Variants in CNIH3 observed in about 807,000 individuals in gnomAD.
CNIH3 encodes the protein cornichon family AMPA receptor auxiliary protein 3.
Under a neutral mutation model 24.1 loss-of-function variants are expected in CNIH3, and 14 were observed. The observed-to-expected ratio is 0.58, with a 90% CI of 0.38 to 0.91. CNIH3 has a LOEUF of 0.91. CNIH3 is among the 40% of genes least tolerant of loss of function. The pLI is 0.00. For synonymous variants in CNIH3, 68 were observed against 73.8 expected, an observed-to-expected ratio of 0.92 and a Z score of 0.40; for missense variants, 178 against 196.8, an observed-to-expected ratio of 0.90 and a Z score of 0.57.
chr1:224,520,354 C>T (rs1678576048), intron 1 of CNIH3, among the ~76,000 whole-genome samples: 1 of 152,196 alleles, frequency 6.6e-6, no homozygotes, highest in South Asian at 2.1e-4. Flanking sequence ...TATAAGCGAT[C>T]CCACACCTCT....
intron 1 of CNIH3, chr1:224,661,268 T>A: frequency 6.4e-6 from 2 of 310,762 alleles, no homozygotes; most frequent in Admixed American, 7.4e-5. Flanking sequence ...TGACCATTCT[T>A]GACAATCCTT....
chr1:224,596,390 C>T (rs1390432132), intron 3 of CNIH3, among the ~76,000 whole-genome samples: 1 of 152,144 alleles, frequency 6.6e-6, no homozygotes, highest in East Asian at 1.9e-4. Flanking sequence ...ACCTATTGCT[C>T]AGGAAAAAAG....
At chr1:224,451,478 GC>G (rs1182697132) in intron 1 of CNIH3, among the ~76,000 whole-genome samples, 2 of 152,178 alleles carry the variant, frequency 1.3e-5, no homozygotes, top group African/African-American at 4.8e-5. Context: ...TAACCGAATA[GC>G]TTGGTCACAC....
intron 1 of CNIH3, chr1:224,435,322 T>C: frequency 3.1e-6 from 2 of 650,506 alleles, no homozygotes; most frequent in Non-Finnish European, 3.8e-6. Context: ...TGGAAAAACT[T>C]GAATTTCCAC....
intron 1 of CNIH3, among the ~76,000 whole-genome samples, chr1:224,481,080 CGAG>C: frequency 6.6e-6 from 1 of 152,176 alleles, no homozygotes; most frequent in Non-Finnish European, 1.5e-5. Flanking sequence ...TCGCAGAAGG[CGAG>C]GAGCAGCAAG....
intron 1 of CNIH3, among the ~76,000 whole-genome samples, chr1:224,448,961 CTTTTTTTTTTTTTT>C (rs397983008): frequency 8.7e-6 from 1 of 115,272 alleles, no homozygotes; most frequent in Non-Finnish European, 1.9e-5. Context: ...AGCTGGGATT[CTTTTTTTTTTTTTT>C]TTTTTTGAGA....
At chr1:224,436,227 T>C (rs1674659425) in intron 1 of CNIH3, among the ~76,000 whole-genome samples, 1 of 152,194 alleles carries the variant, frequency 6.6e-6, no homozygotes, top group South Asian at 2.1e-4. Flanking sequence ...CCGACCTGAG[T>C]TCTAGTTGAG....
At chr1:224,576,567 T>C (rs1391075884) in intron 4 of CNIH3, among the ~76,000 whole-genome samples, 3 of 152,238 alleles carry the variant, frequency 2.0e-5, no homozygotes, top group African/African-American at 7.2e-5. Flanking sequence ...TACATTTCAC[T>C]TTCACATGTG....
intron 1 of CNIH3, among the ~76,000 whole-genome samples, chr1:224,490,171 T>C (rs1677189270): frequency 6.6e-6 from 1 of 152,178 alleles, no homozygotes; most frequent in African/African-American, 2.4e-5. Flanking sequence ...GCAACAAGTA[T>C]TTAAAGGAAA....
intron 1 of CNIH3, among the ~76,000 whole-genome samples, chr1:224,478,240 A>G (rs1676662660): frequency 6.6e-6 from 1 of 152,148 alleles, no homozygotes; most frequent in South Asian, 2.1e-4. Flanking sequence ...ATCATCTTGA[A>G]TAAACTTTCT....
intron 1 of CNIH3, among the ~76,000 whole-genome samples, chr1:224,641,892 A>C (rs1236475458): frequency 6.6e-6 from 1 of 152,180 alleles, no homozygotes; most frequent in Non-Finnish European, 1.5e-5. Flanking sequence ...GTATTTGTAA[A>C]ACTAGTGAAA....
intron 3 of CNIH3, among the ~76,000 whole-genome samples, chr1:224,702,354 C>T (rs1447859464): frequency 1.3e-5 from 2 of 152,152 alleles, no homozygotes; most frequent in African/African-American, 4.8e-5. Flanking sequence ...GCTTATATCC[C>T]AGGAGTGGGA....
At chr1:224,466,145 A>G (rs1676145505) in intron 1 of CNIH3, among the ~76,000 whole-genome samples, 1 of 152,218 alleles carries the variant, frequency 6.6e-6, no homozygotes, top group African/African-American at 2.4e-5. Context: ...ATGTAGTTCT[A>G]TGCAGTTTTA....
intron 1 of CNIH3, among the ~76,000 whole-genome samples, chr1:224,460,269 TTTAAAGTGGATAA>T (rs767388186): frequency 9.2e-5 from 14 of 152,174 alleles, no homozygotes; most frequent in Non-Finnish European, 1.5e-4. Flanking sequence ...ACTGCTTATA[TTTAAAGTGGATAA>T]TTTGATAAGT....
downstream of CNIH3, among the ~76,000 whole-genome samples, chr1:224,593,143 C>CT (rs59988579): frequency 1.2e-3 from 173 of 141,332 alleles, no homozygotes; most frequent in South Asian, 0.01. Context: ...ACTTCCTCTT[C>CT]TTTTTTTTTT....
chr1:224,446,052 G>A (rs1558067769), intron 1 of CNIH3, among the ~76,000 whole-genome samples: 2 of 152,096 alleles, frequency 1.3e-5, no homozygotes, highest in African/African-American at 2.4e-5. Context: ...TTAGAGCACT[G>A]TATATGTGTG....
At chr1:224,622,396 C>T (rs1683325078) in intron 1 of CNIH3, among the ~76,000 whole-genome samples, 2 of 152,184 alleles carry the variant, frequency 1.3e-5, no homozygotes. Flanking sequence ...GAGAGAACAC[C>T]TTCTGGAAAA....
intron 1 of CNIH3, among the ~76,000 whole-genome samples, chr1:224,631,197 T>G (rs1365489958): frequency 6.6e-6 from 1 of 152,110 alleles, no homozygotes; most frequent in Non-Finnish European, 1.5e-5. Context: ...CAAAGGTGCA[T>G]GCTCAGGACA....
intron 3 of CNIH3, among the ~76,000 whole-genome samples, chr1:224,689,491 G>C (rs1218389592): frequency 6.6e-6 from 1 of 152,150 alleles, no homozygotes; most frequent in East Asian, 1.9e-4. Flanking sequence ...AGCATCACAC[G>C]GTGGGCCGGC....
Sources: gnomAD v4.1 joint callset for allele counts (sites outside exome capture counted in the v4.1 genomes callset) on GRCh38, gnomAD v4.1.1 for gene constraint, MANE v1.5 for transcripts, NCBI Gene and HGNC (gene_info 2026-07-23, HGNC 2026-07-21) for gene names.